The following PTPRQ variants were observed in gnomAD, a reference collection of about 807,000 sequenced individuals.
PTPRQ encodes protein tyrosine phosphatase receptor type Q, also known as phosphatidylinositol phosphatase PTPRQ.
A neutral mutation model predicts 246.0 loss-of-function variants in PTPRQ; 199 were observed. The ratio of observed to expected loss-of-function variants is 0.81; its 90% CI spans 0.72 to 0.91. The LOEUF is 0.91. Ranked by LOEUF, PTPRQ falls within the 40% of genes least tolerant of loss-of-function variation. The pLI is 0.00. For missense variants in PTPRQ, 2,624 were observed against 2,528.4 expected (o/e 1.04, Z -0.81); for synonymous variants, 869 against 853.2 (o/e 1.02, Z -0.32).
chr12:80,660,919 T>C (rs1029030739), intron 39 of PTPRQ, among the ~76,000 whole-genome samples: 2 of 152,022 alleles, frequency 1.3e-5, no homozygotes, highest in African/African-American at 4.8e-5. Context: ...AGTGATCTCA[T>C]TTATTAACTG....
chr12:80,670,319 T>C, intron 41 of PTPRQ, 25 bp from the exon 42 acceptor site: 1 of 1,546,656 alleles, frequency 6.5e-7, no homozygotes, highest in Non-Finnish European at 8.7e-7. Context: ...AATTTTGTCA[T>C]TCATTAATCC....
intron 33 of PTPRQ, among the ~76,000 whole-genome samples, chr12:80,631,611 C>T (rs1899438339): frequency 6.6e-6 from 1 of 152,102 alleles, no homozygotes; most frequent in Non-Finnish European, 1.5e-5. Flanking sequence ...TTGCAATTAC[C>T]ATCTTTCCAA....
intron 9 of PTPRQ, among the ~76,000 whole-genome samples, chr12:80,485,705 G>T (rs1052849295): frequency 1.3e-5 from 2 of 152,052 alleles, no homozygotes; most frequent in Non-Finnish European, 2.9e-5. Context: ...TGATACTCTG[G>T]TTGACAACTC....
chr12:80,570,567 T>C (rs1416637169), intron 25 of PTPRQ, among the ~76,000 whole-genome samples: 1 of 152,218 alleles, frequency 6.6e-6, no homozygotes, highest in Non-Finnish European at 1.5e-5. Context: ...TCTTTTGCTG[T>C]GCAGAAGCTC....
At chr12:80,515,651 C>G (rs1242963768) in intron 17 of PTPRQ, among the ~76,000 whole-genome samples, 1 of 151,574 alleles carries the variant, frequency 6.6e-6, no homozygotes, top group Non-Finnish European at 1.5e-5. Flanking sequence ...CCAGGCTGGT[C>G]TTGAACTCCT....
chr12:80,606,830 A>T (rs1405132208), intron 27 of PTPRQ, among the ~76,000 whole-genome samples: 1 of 150,902 alleles, frequency 6.6e-6, no homozygotes, highest in Non-Finnish European at 1.5e-5. Flanking sequence ...AATTAGCCAA[A>T]AATAATTAGC....
rs776782755 is a variant in PTPRQ, at chr12:80,613,600, G to T, written c.4927G>T (p.Asp1643Tyr). The T allele has an allele frequency of 6.5e-7, 1 of 1,530,084 alleles. No homozygotes were observed. The highest frequency in any genetic ancestry group is 1.4e-5 in the African/African-American group (1 of 71,486). 94.8% of individuals were successfully genotyped at this position (1,530,084 alleles called of 1,614,324 possible). The stretch of plus-strand genomic sequence containing the variant: ...TAAATATTTTATTTTAGCCCCAAAG[G>T]ACCCACCTAACAACATGACATTTCA... ...IVTTLESAPK[D>Y]PPNNMTFQKI... The change falls in exon 29 of 45, where the codon GAC (aspartate) becomes TAC (tyrosine). Residue 1643 changes from aspartate (D) to tyrosine (Y), a missense_variant. Coordinates refer to ENST00000644991, the MANE Select transcript of PTPRQ (RefSeq NM_001145026.2).
chr12:80,619,468 G>C lies in PTPRQ; in HGVS notation c.5315G>C (p.Arg1772Thr), dbSNP rs763815232. ...LLVTSTTITI[R>T]MPICYYSDDH... ...GTGACTTCAACAACAATTACAATCAGAATGCCAATATGTTACTACAGTGAT... is the reference window on the plus strand; with the variant it reads ...GTGACTTCAACAACAATTACAATCACAATGCCAATATGTTACTACAGTGAT... The change falls in exon 31 of 45, where the codon AGA becomes ACA. Residue 1772 changes from arginine (R) to threonine (T), a missense_variant. Physicochemically the swap from Arg to Thr is moderately conservative, Grantham distance 71. Transcript: ENST00000644991. 1.9e-6 allele frequency: 3 copies of C among 1,548,162 alleles called. No homozygotes were observed. The highest frequency in any genetic ancestry group is 1.2e-5 in the South Asian group (1 of 83,860).
At chr12:80,671,324 T>C in intron 42 of PTPRQ, among the ~76,000 whole-genome samples, 2 of 152,182 alleles carry the variant, frequency 1.3e-5, no homozygotes, top group South Asian at 4.1e-4. Flanking sequence ...AATATAATAG[T>C]ATATACTAAA....
intron 25 of PTPRQ, chr12:80,584,283 A>G (rs1269673516): frequency 1.3e-5 from 2 of 152,194 alleles, no homozygotes; most frequent in Non-Finnish European, 2.9e-5. Context: ...AAGATGACCA[A>G]GATGATCTCT....
intron 19 of PTPRQ, 123 bp downstream of exon 19, chr12:80,535,160 T>G (rs1895949063): frequency 3.1e-6 from 3 of 981,370 alleles, no homozygotes; most frequent in Non-Finnish European, 4.2e-6. Flanking sequence ...ATGTATTTTA[T>G]AAAACTCCCA....
intron 33 of PTPRQ, among the ~76,000 whole-genome samples, chr12:80,631,207 G>C (rs1899420682): frequency 6.6e-6 from 1 of 152,126 alleles, no homozygotes; most frequent in Non-Finnish European, 1.5e-5. Flanking sequence ...AGATGGTCTA[G>C]TTATAGCCAG....
rs1565837040 is a variant in PTPRQ, at chr12:80,642,937, A to AACAAAAC, written c.5916-5959_5916-5958insCAAAACA. Among the ~76,000 whole-genome samples the AACAAAAC allele has an allele frequency of 1.5e-3, 227 of 149,162 alleles. 5 individuals carry two copies. The highest frequency in any genetic ancestry group is 5.1e-3 in the African/African-American group (204 of 39,930). On this transcript the variant is annotated intron_variant, in intron 35 of 44. Coordinates refer to ENST00000644991, the MANE Select transcript of PTPRQ (RefSeq NM_001145026.2). ...TCCGTCTTAAAAAAAAAAAAAAAAA[A>AACAAAAC]AAAAAAAAACAATTGAGTATCTCTC...
chr12:80,481,148 C>G (rs1249439752), intron 8 of PTPRQ, among the ~76,000 whole-genome samples: 1 of 152,120 alleles, frequency 6.6e-6, no homozygotes. Context: ...AAAACGAATC[C>G]AGCAGCACAT....
At chr12:80,484,734 T>G in intron 9 of PTPRQ, 129 bp downstream of exon 9, 1 of 1,105,562 alleles carries the variant, frequency 9.0e-7, no homozygotes, top group Non-Finnish European at 1.2e-6. Context: ...AAAGTAAATT[T>G]GGGGCATGTT....
intron 14 of PTPRQ, among the ~76,000 whole-genome samples, chr12:80,497,568 G>T (rs923156688): frequency 6.6e-6 from 1 of 152,064 alleles, no homozygotes; most frequent in Non-Finnish European, 1.5e-5. Context: ...TGCTGGATGG[G>T]TTGGGAGAGG....
At chr12:80,616,298 CT>C in intron 30 of PTPRQ, 32 bp downstream of exon 30, 1 of 1,439,792 alleles carries the variant, frequency 6.9e-7, no homozygotes, top group Non-Finnish European at 9.1e-7. Context: ...CTATGAAATG[CT>C]ATTAATCAGT....
At chr12:80,499,660 G>A (rs1321954967) in intron 14 of PTPRQ, among the ~76,000 whole-genome samples, 1 of 151,884 alleles carries the variant, frequency 6.6e-6, no homozygotes, top group Non-Finnish European at 1.5e-5. Flanking sequence ...ATAGGAGTAA[G>A]TTATTTGGTT....
Position 80,652,732 on chromosome 12 carries a change from T to A in PTPRQ, c.6025-12T>A, listed in dbSNP as rs929273474. 2 of 1,492,346 alleles carry A rather than the reference T, an allele frequency of 1.3e-6. No homozygotes were observed. Among genetic ancestry groups the A allele is most frequent in the Non-Finnish European group, 1.8e-6 (2 of 1,124,672 alleles). The allele number at this position is 1,492,346 out of a possible 1,614,324, so 92.4% of individuals were successfully genotyped here. A position where few individuals can be genotyped will look rare whatever the true frequency, so the allele number is the denominator to read the frequency against. ...TGATAAATGTAAACTTTGTAATGAC[T>A]TTATTTTACAGGAATTACCAAAATT... On this transcript the variant is annotated splice_polypyrimidine_tract_variant and intron_variant, in intron 37 of 44. Coordinates refer to ENST00000644991, the MANE Select transcript of PTPRQ (RefSeq NM_001145026.2).
Sources: gnomAD v4.1 joint callset for allele counts (sites outside exome capture counted in the v4.1 genomes callset) on GRCh38, gnomAD v4.1.1 for gene constraint, MANE v1.5 for transcripts, NCBI Gene and HGNC (gene_info 2026-07-23, HGNC 2026-07-21) for gene names.